The following ZFAT variants were observed in gnomAD, a reference collection of about 807,000 sequenced individuals.
The protein encoded by ZFAT is zinc finger and AT-hook domain containing.
A neutral mutation model predicts 117.7 loss-of-function variants in ZFAT; 64 were observed. The observed-to-expected ratio is 0.54, with a 90% CI of 0.44 to 0.67. The LOEUF is 0.67. Among genes scored for constraint, ZFAT ranks in the 30% least tolerant of loss-of-function variants. The pLI, the probability that ZFAT is intolerant of heterozygous loss-of-function variation, is 0.00. For missense variants in ZFAT, 1,433 were observed against 1,584.5 expected (o/e 0.90, Z 1.62); for synonymous variants, 679 against 615.0 (o/e 1.10, Z -1.54).
At chr8:134,558,963 T>C (rs1823856781) in intron 11 of ZFAT, among the ~76,000 whole-genome samples, 1 of 152,240 alleles carries the variant, frequency 6.6e-6, no homozygotes, top group South Asian at 2.1e-4. Context: ...TCAGAGATTT[T>C]CAAATGCCAA....
intron 15 of ZFAT, among the ~76,000 whole-genome samples, chr8:134,485,490 G>A (rs1251981227): frequency 6.6e-6 from 1 of 152,236 alleles, no homozygotes; most frequent in Non-Finnish European, 1.5e-5. Context: ...GAGGCTGGCT[G>A]AAGCAGGAAA....
chr8:134,792,681 T>G, the ZFAT span: 2 of 152,172 alleles, frequency 1.3e-5, no homozygotes, highest in Non-Finnish European at 2.9e-5. Flanking sequence ...TTCACATCAA[T>G]CATAACAAGC....
the ZFAT span, among the ~76,000 whole-genome samples, chr8:134,814,799 A>G: frequency 2.6e-5 from 4 of 152,194 alleles, no homozygotes; most frequent in Non-Finnish European, 4.4e-5. Context: ...CCAATACCCT[A>G]AGTCCAAAGA....
intron 3 of ZFAT, among the ~76,000 whole-genome samples, chr8:134,630,863 C>G (rs1829841657): frequency 6.6e-6 from 1 of 152,188 alleles, no homozygotes; most frequent in South Asian, 2.1e-4. Flanking sequence ...TTTTAACAAG[C>G]TATAGAGCCA....
At chr8:134,624,028 T>C (rs1010401854) in intron 3 of ZFAT, among the ~76,000 whole-genome samples, 80 of 152,252 alleles carry the variant, frequency 5.3e-4, no homozygotes, top group African/African-American at 1.9e-3. Context: ...CAGACCTCCA[T>C]TCATGCGACA....
At chr8:134,722,328 G>A in the ZFAT span, among the ~76,000 whole-genome samples, 1 of 152,170 alleles carries the variant, frequency 6.6e-6, no homozygotes, top group South Asian at 2.1e-4. Flanking sequence ...ATAAGGGGAG[G>A]CAAGAGTATA....
intron 1 of ZFAT, among the ~76,000 whole-genome samples, chr8:134,684,743 G>T (rs942138829): frequency 1.3e-5 from 2 of 152,188 alleles, no homozygotes; most frequent in Non-Finnish European, 2.9e-5. Flanking sequence ...TGGGGAAAAG[G>T]CATTCTTGGC....
chr8:134,691,240 C>T (rs1355312294), intron 1 of ZFAT, among the ~76,000 whole-genome samples: 1 of 152,266 alleles, frequency 6.6e-6, no homozygotes, highest in Non-Finnish European at 1.5e-5. Flanking sequence ...CAAGGCCAGT[C>T]CCTCCCATAG....
At chr8:134,828,414 A>G in the ZFAT span, among the ~76,000 whole-genome samples, 1 of 152,246 alleles carries the variant, frequency 6.6e-6, no homozygotes, top group Non-Finnish European at 1.5e-5. Flanking sequence ...ACTATTAAGC[A>G]TTCTGAAGAT....
At position 134,577,399 on chromosome 8, in the gene ZFAT, A is replaced by G. The variant is rs181912784; in HGVS notation, c.2887+6433T>C. Among the ~76,000 whole-genome samples the G allele has an allele frequency of 2.0e-5, 3 of 152,342 alleles. No individual in the cohort carries two copies. The East Asian group carries it at 5.8e-4, about 29-fold the overall frequency. ...AAGAAAGGGTAATTGTAATTATTCA[A>G]TTCCTTTTTACTTCATTAAAAAATG... On this transcript the variant is annotated intron_variant, in intron 10 of 15. Transcript: ENST00000377838.
rs746803348 is a variant in ZFAT at position 134,601,764 on chromosome 8, C to G, written c.1955G>C (p.Ser652Thr). 2 of 1,613,832 alleles carry G rather than the reference C, an allele frequency of 1.2e-6. No individual in the cohort carries two copies. Among genetic ancestry groups the G allele is most frequent in the Non-Finnish European group, 1.7e-6 (2 of 1,179,930 alleles). ...CATGTTCTGCCCTTCCCCTAGGGGGCTCTGGGCGCCATGGCTTTCCTGATC... is the reference window on the plus strand; with the variant it reads ...CATGTTCTGCCCTTCCCCTAGGGGGGTCTGGGCGCCATGGCTTTCCTGATC... The part of the protein sequence containing the change: ...GSDQESHGAQ[S>T]PLGEGQNMAV... The change falls in exon 6 of 16, where the codon AGC (serine) becomes ACC (threonine). Residue 652 changes from serine (S) to threonine (T), a missense_variant. Around this residue, in one of 5 missense-constraint regions of ZFAT, gnomAD observed 372 missense variants for 355.6 expected, o/e 1.05. Transcript: ENST00000377838.
chr8:134,707,725 C>T (rs1172669253), intron 1 of ZFAT, among the ~76,000 whole-genome samples: 1 of 152,234 alleles, frequency 6.6e-6, no homozygotes. Flanking sequence ...GCAGCTTCCA[C>T]TGGCATCCTC....
At chr8:134,593,384 T>C (rs1404794186) in intron 7 of ZFAT, among the ~76,000 whole-genome samples, 1 of 152,012 alleles carries the variant, frequency 6.6e-6, no homozygotes, top group East Asian at 1.9e-4. Flanking sequence ...TTAGGACTCA[T>C]TTACTTCTTT....
chr8:134,667,051 C>T (rs958625934), intron 1 of ZFAT, among the ~76,000 whole-genome samples: 2 of 152,094 alleles, frequency 1.3e-5, no homozygotes, highest in African/African-American at 2.4e-5. Context: ...AAACCAAATA[C>T]CACGTTCTCA....
rs75824083 is a variant in ZFAT at position 134,602,665 on chromosome 8, T to C, written c.1054A>G (p.Ile352Val). The change falls in exon 6 of 16, where the codon ATC becomes GTC. Residue 352 changes from isoleucine to valine, a missense_variant. Ile to Val is a conservative substitution (Grantham distance 29). This residue lies in a region of ZFAT where 436 missense variants were observed against 482.0 expected (regional missense o/e 0.90). Coordinates refer to ENST00000377838, the MANE Select transcript of ZFAT (RefSeq NM_020863.4). ...KVHIERVHKKIKQHCRFCKKK... is the reference protein window; with the variant it reads ...KVHIERVHKKVKQHCRFCKKK... ...TTGCAGAAGCGGCAGTGCTGCTTGA[T>C]CTTCTTGTGCACTCGCTCGATGTGC... 1.3e-3 allele frequency: 2,035 copies of C among 1,614,220 alleles called. 21 individuals carry two copies. In the African/African-American group the frequency reaches 0.023, roughly 18 times the overall value.
chr8:134,747,780 A>G, the ZFAT span, among the ~76,000 whole-genome samples: 43 of 152,062 alleles, frequency 2.8e-4, no homozygotes, highest in African/African-American at 9.9e-4. Flanking sequence ...AATTTTGTGT[A>G]TCTAATTCCT....
chr8:134,585,088 T>C (rs765361473), intron 9 of ZFAT, among the ~76,000 whole-genome samples: 32 of 152,118 alleles, frequency 2.1e-4, no homozygotes, highest in Non-Finnish European at 7.4e-5. Context: ...TATGTTTGGG[T>C]CATAGTTCTC....
chr8:134,664,659 C>A (rs1832121563), intron 1 of ZFAT, among the ~76,000 whole-genome samples: 1 of 152,244 alleles, frequency 6.6e-6, no homozygotes, highest in Non-Finnish European at 1.5e-5. Flanking sequence ...CCGGGTCAGG[C>A]TGCATCCCCC....
At chr8:134,823,226 A>T in the ZFAT span, among the ~76,000 whole-genome samples, 1 of 152,232 alleles carries the variant, frequency 6.6e-6, no homozygotes, top group East Asian at 1.9e-4. Context: ...CAGTAGAGAT[A>T]GCAGTTTTGG....
Sources: gnomAD v4.1 joint callset for allele counts (sites outside exome capture counted in the v4.1 genomes callset) on GRCh38, gnomAD v4.1.1 for gene constraint, gnomAD v4.1.1 regional missense constraint, MANE v1.5 for transcripts, NCBI Gene and HGNC (gene_info 2026-07-23, HGNC 2026-07-21) for gene names.